BMPR2: variants seen among roughly 807,000 people sequenced by gnomAD.
BMPR2 encodes the protein bone morphogenetic protein receptor type 2, also known as bone morphogenetic protein receptor type-2.
A neutral mutation model predicts 100.8 loss-of-function variants in BMPR2; 29 were observed. The ratio of observed to expected loss-of-function variants is 0.29; its 90% CI spans 0.21 to 0.39. The LOEUF is 0.39. BMPR2 is among the 10% of genes least tolerant of loss of function. The pLI, the probability that BMPR2 is intolerant of heterozygous loss-of-function variation, is 1.00. For synonymous variants in BMPR2, 382 were observed against 442.3 expected (o/e 0.86, Z 1.71); for missense variants, 1,011 against 1,274.5 (o/e 0.79, Z 3.15).
At position 202,439,590 on chromosome 2, in the gene BMPR2, T is replaced by C. The variant is rs1271430870; in HGVS notation, c.77-25219T>C. 4.7e-5 allele frequency among the ~76,000 whole-genome samples: 7 copies of C among 150,032 alleles called. 2 individuals are homozygous for C. Among genetic ancestry groups the C allele is most frequent in the African/African-American group, 1.8e-4 (7 of 39,654 alleles). ...GTTCTTTTTCTTTCTTCTTTATTTT[T>C]ACTTTTTGTCTCCTTTCCCTGGCTA... On this transcript the variant is annotated intron_variant, in intron 1 of 12. Coordinates refer to ENST00000374580, the MANE Select transcript of BMPR2 (RefSeq NM_001204.7).
chr2:202,409,468 C>T (rs1323672439), intron 1 of BMPR2, among the ~76,000 whole-genome samples: 1 of 152,052 alleles, frequency 6.6e-6, no homozygotes, highest in African/African-American at 2.4e-5. Context: ...GTAATCCTAG[C>T]ACTTTGGGAG....
Position 202,556,168 on chromosome 2 carries a change from A to T in BMPR2, c.2503A>T (p.Thr835Ser). The T allele has an allele frequency of 6.2e-7, 1 of 1,612,082 alleles. No homozygotes were observed. The highest frequency in any genetic ancestry group is 2.2e-5 in the East Asian group (1 of 44,828). ...YANGTVLSGQTTNIVTHRAQE... is the reference protein window; with the variant it reads ...YANGTVLSGQSTNIVTHRAQE... ...CAATGGGACAGTACTATCTGGCCAA[A>T]CAACCAACATAGTGACACATAGGGC... The change falls in exon 12 of 13, where the codon ACA becomes TCA. Residue 835 changes from threonine (T) to serine (S), a missense_variant. This residue lies in a region of BMPR2 where 508 missense variants were observed against 552.0 expected (regional missense o/e 0.92). Coordinates refer to ENST00000374580, the MANE Select transcript of BMPR2 (RefSeq NM_001204.7).
chr2:202,482,577 C>T (rs1692681618), intron 3 of BMPR2, among the ~76,000 whole-genome samples: 6 of 148,258 alleles, frequency 4.0e-5, no homozygotes, highest in South Asian at 4.3e-4. Context: ...CTCACTGTGT[C>T]GCCCAGGCTG....
Position 202,448,584 on chromosome 2 carries a change from G to A in BMPR2, c.77-16225G>A, listed in dbSNP as rs576681427. The stretch of plus-strand genomic sequence containing the variant: ...CAGTTCTCCTGCATCAGCTTCCCGA[G>A]TAGCTGGAACTACAGGCACGTGCCA... On this transcript the variant is annotated intron_variant, in intron 1 of 12. Transcript: ENST00000374580. 1.1e-4 allele frequency among the ~76,000 whole-genome samples: 17 copies of A among 151,626 alleles called. No individual in the cohort carries two copies. In the South Asian group the frequency reaches 3.6e-3, roughly 32 times the overall value.
chr2:202,440,771 T>C lies in BMPR2; in HGVS notation c.77-24038T>C, dbSNP rs879733545. ...AGTACAGTCCAGCCTTGGCTTGGCA[T>C]CAGAGGGAGACCGGGGAGACCGGGG... On this transcript the variant is annotated intron_variant, in intron 1 of 12. Transcript: ENST00000374580. Among the ~76,000 whole-genome samples, 12 of 150,156 alleles carry C rather than the reference T, an allele frequency of 8.0e-5. No individual in the cohort carries two copies. In the East Asian group the frequency reaches 2.3e-3, roughly 29 times the overall value.
At chr2:202,559,520 C>A (rs930119660) in intron 12 of BMPR2, among the ~76,000 whole-genome samples, 176 bp from the exon 13 acceptor site, 4 of 152,080 alleles carry the variant, frequency 2.6e-5, no homozygotes, top group African/African-American at 7.2e-5. Flanking sequence ...TAAAGAGTCT[C>A]AAAAATAAGT....
At chr2:202,481,378 C>T (rs926181348) in intron 3 of BMPR2, among the ~76,000 whole-genome samples, 2 of 152,062 alleles carry the variant, frequency 1.3e-5, no homozygotes, top group African/African-American at 4.8e-5. Context: ...AGGGTTTCAC[C>T]ATGTTGGCCA....
intron 3 of BMPR2, among the ~76,000 whole-genome samples, chr2:202,500,521 C>T (rs1034857496): frequency 6.6e-6 from 1 of 152,164 alleles, no homozygotes; most frequent in Non-Finnish European, 1.5e-5. Flanking sequence ...AAAATGCCCG[C>T]CCAGTCCAAA....
At chr2:202,527,634 A>C (rs1168017679) in intron 7 of BMPR2, among the ~76,000 whole-genome samples, 5 of 147,712 alleles carry the variant, frequency 3.4e-5, no homozygotes, top group Non-Finnish European at 6.0e-5. Context: ...AAATACAAAA[A>C]AAATTAGCCG....
chr2:202,555,655 GA>G lies in BMPR2; in HGVS notation c.1993del (p.Thr665ProfsTer4). ...CTTACAGCTGACAGAAGAAGACTTG[GA>G]AACCAACAAGCTAGACCCAAAAGAA... ...VCLQLTEEDL[E>X]TNKLDPKEVD... On this transcript the variant is annotated frameshift_variant, in exon 12 of 13. Coordinates refer to ENST00000374580, the MANE Select transcript of BMPR2 (RefSeq NM_001204.7). LOFTEE classifies it high-confidence loss of function. The G allele has an allele frequency of 6.2e-7, 1 of 1,614,070 alleles. No homozygotes were observed. Among genetic ancestry groups the G allele is most frequent in the Non-Finnish European group, 8.5e-7 (1 of 1,180,034 alleles).
rs184109504 is a variant in BMPR2 at position 202,510,945 on chromosome 2, T to C, written c.419-2774T>C. Among the ~76,000 whole-genome samples, 54 of 152,008 alleles carry C rather than the reference T, an allele frequency of 3.6e-4. 1 individual carries two copies. Among genetic ancestry groups the C allele is most frequent in the Admixed American group, 3.2e-3 (49 of 15,268 alleles). Reference sequence around the variant, plus strand: ...CCGTCTGCCTCAGCCTCCCAACGTGTTGGGATGACAGGAGTGAGCCACCGC... The same window carrying C: ...CCGTCTGCCTCAGCCTCCCAACGTGCTGGGATGACAGGAGTGAGCCACCGC... On this transcript the variant is annotated intron_variant, in intron 3 of 12. Transcript: ENST00000374580.
At position 202,512,533 on chromosome 2, in the gene BMPR2, T is replaced by A. The variant is rs569078388; in HGVS notation, c.419-1186T>A. ...TCATATCCTCCCAAGTTTTCTTTTT[T>A]TTCCTCATCAGATGCTTTCAGTTCT... is the stretch of plus-strand genomic sequence containing the variant. On this transcript the variant is annotated intron_variant, in intron 3 of 12. Coordinates refer to ENST00000374580, the MANE Select transcript of BMPR2 (RefSeq NM_001204.7). Among the ~76,000 whole-genome samples the A allele has an allele frequency of 6.6e-4, 101 of 152,366 alleles. 1 individual carries two copies. The highest frequency in any genetic ancestry group is 2.3e-3 in the African/African-American group (95 of 41,592).
At position 202,556,447 on chromosome 2, in the gene BMPR2, G is replaced by A; in HGVS notation, c.2782G>A (p.Gly928Arg). Residue 928 changes from glycine (G) to arginine (R), a missense_variant, in exon 12 of 13, where the codon GGG (glycine) becomes AGG (arginine). By Grantham distance (125) the Gly-to-Arg change is moderately radical. This residue lies in a region of BMPR2 where 508 missense variants were observed against 552.0 expected (regional missense o/e 0.92). Coordinates refer to ENST00000374580, the MANE Select transcript of BMPR2 (RefSeq NM_001204.7). ...QGVPSTAADP[G>R]PSKPRRAQRP... Reference sequence around the variant, plus strand: ...TGTTCCAAGCACAGCAGCAGATCCTGGGCCATCAAAGCCCAGAAGAGCACA... The same window carrying A: ...TGTTCCAAGCACAGCAGCAGATCCTAGGCCATCAAAGCCCAGAAGAGCACA... 6.2e-7 allele frequency: 1 copy of A among 1,614,158 alleles called. No homozygotes were observed. Among genetic ancestry groups the A allele is most frequent in the Non-Finnish European group, 8.5e-7 (1 of 1,180,048 alleles).
intron 1 of BMPR2, among the ~76,000 whole-genome samples, chr2:202,388,425 G>C (rs1416894180): frequency 2.3e-5 from 3 of 127,800 alleles, no homozygotes; most frequent in Non-Finnish European, 4.9e-5. Context: ...AAAAAACATT[G>C]TTTGTCCATA....
intron 1 of BMPR2, among the ~76,000 whole-genome samples, chr2:202,437,135 A>G (rs1191146938): frequency 2.0e-5 from 3 of 150,334 alleles, no homozygotes; most frequent in Non-Finnish European, 4.4e-5. Context: ...CCTCCAGAGT[A>G]GCTGGGATTA....
chr2:202,416,407 T>C (rs954290553), intron 1 of BMPR2, among the ~76,000 whole-genome samples: 5 of 150,848 alleles, frequency 3.3e-5, no homozygotes, highest in African/African-American at 1.2e-4. Flanking sequence ...ACTACAGGTG[T>C]GCACTACCAC....
chr2:202,383,806 G>A (rs1690355493), intron 1 of BMPR2, among the ~76,000 whole-genome samples: 1 of 151,828 alleles, frequency 6.6e-6, no homozygotes, highest in African/African-American at 2.4e-5. Context: ...AGCCGAGATC[G>A]TACCACTGCA....
chr2:202,457,442 A>G (rs1264388149), intron 1 of BMPR2, among the ~76,000 whole-genome samples: 1 of 151,342 alleles, frequency 6.6e-6, no homozygotes, highest in Non-Finnish European at 1.5e-5. Context: ...TAGATTTATA[A>G]TGACTTTTTT....
At chr2:202,524,037 T>G (rs1009216565) in intron 7 of BMPR2, among the ~76,000 whole-genome samples, 6 of 150,760 alleles carry the variant, frequency 4.0e-5, no homozygotes, top group African/African-American at 1.5e-4. Flanking sequence ...ACTACTAGAG[T>G]GGGGAGAGAG....
Sources: gnomAD v4.1 joint callset for allele counts (sites outside exome capture counted in the v4.1 genomes callset) on GRCh38, gnomAD v4.1.1 for gene constraint, gnomAD v4.1.1 regional missense constraint, MANE v1.5 for transcripts, NCBI Gene and HGNC (gene_info 2026-07-23, HGNC 2026-07-21) for gene names.